Variants in DCAF8L2 observed in about 807,000 individuals in gnomAD.
DCAF8L2 encodes the protein DDB1- and CUL4-associated factor 8-like protein 2.
For synonymous variants in DCAF8L2, 200 were observed against 190.9 expected, an observed-to-expected ratio of 1.05 and a Z score of -0.39; for missense variants, 430 against 490.7, an observed-to-expected ratio of 0.88 and a Z score of 1.17.
chrX:27,568,364 G>T, the DCAF8L2 span, among the ~76,000 whole-genome samples: 23 of 111,007 alleles, frequency 2.1e-4, no homozygotes, highest in African/African-American at 7.2e-4. Flanking sequence ...CTCTGCCCAT[G>T]GCAACATTTT....
At chrX:27,642,076 G>A (rs1005580352) in intron 2 of DCAF8L2, among the ~76,000 whole-genome samples, 6 of 106,785 alleles carry the variant, frequency 5.6e-5, no homozygotes, top group Admixed American at 2.0e-4. Context: ...TTTTTTTTTA[G>A]TAGAGAAGGG....
chrX:27,684,003 G>A (rs1930413847), intron 3 of DCAF8L2, among the ~76,000 whole-genome samples: 1 of 112,439 alleles, frequency 8.9e-6, no homozygotes, highest in African/African-American at 3.2e-5. Flanking sequence ...AAATACCGCC[G>A]CCTAGTGGCA....
At chrX:27,700,724 T>C (rs181275957) in intron 3 of DCAF8L2, among the ~76,000 whole-genome samples, 232 of 111,800 alleles carry the variant, frequency 2.1e-3, no homozygotes, top group Non-Finnish European at 2.9e-3. Flanking sequence ...AAGTCTACTT[T>C]GTAGCCAAGA....
intron 4 of DCAF8L2, among the ~76,000 whole-genome samples, chrX:27,732,492 G>A (rs1194455850): frequency 1.6e-5 from 1 of 62,039 alleles, no homozygotes; most frequent in East Asian, 4.1e-4. Flanking sequence ...GTGTGTGTGC[G>A]CGTGTGTGTG....
chrX:27,555,365 A>T, the DCAF8L2 span, among the ~76,000 whole-genome samples: 1 of 111,915 alleles, frequency 8.9e-6, no homozygotes, highest in Non-Finnish European at 1.9e-5. Flanking sequence ...AAGAGAGAAC[A>T]TCTACCATAA....
chrX:27,598,419 G>A (rs943295318), intron 1 of DCAF8L2, among the ~76,000 whole-genome samples: 4 of 112,102 alleles, frequency 3.6e-5, no homozygotes, highest in Non-Finnish European at 5.6e-5. Context: ...CCTCCTCTAC[G>A]CCCAGAGAGG....
At chrX:27,708,359 G>T (rs757639575) in intron 3 of DCAF8L2, among the ~76,000 whole-genome samples, 1 of 111,379 alleles carries the variant, frequency 9.0e-6, no homozygotes, top group African/African-American at 3.3e-5. Context: ...AGTATTCTAT[G>T]GTGTATATAT....
intron 3 of DCAF8L2, among the ~76,000 whole-genome samples, chrX:27,696,274 GAAAGAAAGAA>G (rs1930902260): frequency 2.0e-4 from 5 of 24,955 alleles, no homozygotes; most frequent in South Asian, 2.1e-3. Context: ...GAGAGAGAAA[GAAAGAAAGAA>G]AGAAAGAAAG....
chrX:27,641,894 A>G (rs1471297154), intron 2 of DCAF8L2, among the ~76,000 whole-genome samples: 1 of 107,210 alleles, frequency 9.3e-6, no homozygotes, highest in Non-Finnish European at 1.9e-5. Flanking sequence ...TACTTTTTTT[A>G]AATTTTTTTT....
At chrX:27,639,559 A>AAT (rs1845935531) in intron 2 of DCAF8L2, among the ~76,000 whole-genome samples, 1 of 111,816 alleles carries the variant, frequency 8.9e-6, no homozygotes, top group South Asian at 3.7e-4. Context: ...GTACTCCATA[A>AAT]ATATATACAC....
chrX:27,647,316 C>T (rs984866631), intron 2 of DCAF8L2, among the ~76,000 whole-genome samples: 2 of 111,876 alleles, frequency 1.8e-5, no homozygotes, highest in Non-Finnish European at 3.8e-5. Flanking sequence ...GAACAGAAAA[C>T]CAAACATCGC....
the DCAF8L2 span, among the ~76,000 whole-genome samples, chrX:27,534,802 C>A: frequency 8.9e-6 from 1 of 111,934 alleles, no homozygotes; most frequent in Non-Finnish European, 1.9e-5. Context: ...TAAGGATTCC[C>A]AAATTTATAT....
intron 4 of DCAF8L2, among the ~76,000 whole-genome samples, chrX:27,723,508 T>C (rs909977571): frequency 4.5e-5 from 5 of 111,474 alleles, no homozygotes; most frequent in Non-Finnish European, 9.5e-5. Flanking sequence ...AATTAAAAAA[T>C]GCAAACACAC....
rs1344433993 is a variant in DCAF8L2 at position 27,674,757 on chromosome X, T to TG, written c.-219-3078dup. ...CTTTTTCAAATTACAGGTTTCCACT[T>TG]GCAGCAGGCCGCGGTTGTAGAAAGG... is the stretch of plus-strand genomic sequence containing the variant. On this transcript the variant is annotated intron_variant, in intron 2 of 4. Transcript: ENST00000451261. 2.7e-5 allele frequency among the ~76,000 whole-genome samples: 3 copies of TG among 111,789 alleles called. 1 individual carries two copies. The Admixed American group carries it at 2.9e-4, about 11-fold the overall frequency.
intron 2 of DCAF8L2, among the ~76,000 whole-genome samples, chrX:27,644,737 G>A (rs1461445321): frequency 9.0e-6 from 1 of 111,535 alleles, no homozygotes; most frequent in Admixed American, 9.5e-5. Flanking sequence ...GAAAAGGAGG[G>A]ACTCATCCCT....
At chrX:27,686,238 T>C (rs189580351) in intron 3 of DCAF8L2, among the ~76,000 whole-genome samples, 10 of 111,053 alleles carry the variant, frequency 9.0e-5, no homozygotes, top group African/African-American at 3.3e-4. Context: ...ACTAGTTATA[T>C]ATCCAAAAGA....
chrX:27,479,884 G>C, the DCAF8L2 span, among the ~76,000 whole-genome samples: 1 of 112,241 alleles, frequency 8.9e-6, no homozygotes, highest in African/African-American at 3.2e-5. Context: ...CACCCACCTA[G>C]AGAGGGTCAC....
chrX:27,475,699 T>C, the DCAF8L2 span, among the ~76,000 whole-genome samples: 1 of 85,914 alleles, frequency 1.2e-5, no homozygotes, highest in East Asian at 3.8e-4. Flanking sequence ...AATTTTGCCA[T>C]ACAAGTACTG....
chrX:27,513,025 G>A, the DCAF8L2 span, among the ~76,000 whole-genome samples: 2 of 110,992 alleles, frequency 1.8e-5, no homozygotes, highest in South Asian at 7.5e-4. Context: ...ATGGTGCTGG[G>A]ACAACTGTAT....
Sources: gnomAD v4.1 joint callset for allele counts (sites outside exome capture counted in the v4.1 genomes callset) on GRCh38, gnomAD v4.1.1 for gene constraint, MANE v1.5 for transcripts, NCBI Gene and HGNC (gene_info 2026-07-23, HGNC 2026-07-21) for gene names.